Variants in MYO18B observed in about 807,000 individuals in gnomAD.
MYO18B encodes the protein myosin XVIIIB, also known as unconventional myosin-XVIIIb.
In MYO18B, 204 loss-of-function variants were observed where a neutral mutation model predicts 273.0. The observed-to-expected ratio is 0.75, with a 90% CI of 0.67 to 0.84. MYO18B has a LOEUF of 0.84. Ranked by LOEUF, MYO18B falls within the 40% of genes least tolerant of loss-of-function variation. The pLI is 0.00. For synonymous variants in MYO18B, 1,330 were observed against 1,305.7 expected (o/e 1.02, Z -0.40); for missense variants, 3,212 against 3,287.6 (o/e 0.98, Z 0.56).
rs372530858 is a variant in MYO18B at position 25,777,830 on chromosome 22, A to T, written c.2068+49A>T. On this transcript the variant is annotated intron_variant, in intron 8 of 43. Transcript: ENST00000335473. ...GGAGAGTTGGGGTCAGCACGGGGAGAGTTGGAAGGGGATGCTGAGCTGCTT... is the reference window on the plus strand; with the variant it reads ...GGAGAGTTGGGGTCAGCACGGGGAGTGTTGGAAGGGGATGCTGAGCTGCTT... The T allele has an allele frequency of 2.2e-5, 33 of 1,497,340 alleles. No individual in the cohort carries two copies. The East Asian group carries it at 6.8e-4, about 31-fold the overall frequency. The allele number at this position is 1,497,340 out of a possible 1,614,324, so 92.8% of individuals were successfully genotyped here.
chr22:25,790,316 C>T (rs3931452), intron 11 of MYO18B, among the ~76,000 whole-genome samples: 148,033 of 152,360 alleles, frequency 0.97, 71,998 homozygotes, highest in Non-Finnish European at 0.99. Context: ...GTGCACAACG[C>T]GCAGGTTAGT....
At chr22:25,870,921 T>G (rs1293222662) in intron 22 of MYO18B, among the ~76,000 whole-genome samples, 4 of 152,208 alleles carry the variant, frequency 2.6e-5, no homozygotes, top group Admixed American at 6.5e-5. Flanking sequence ...AAGAAAACAG[T>G]CATTACATGC....
intron 39 of MYO18B, among the ~76,000 whole-genome samples, chr22:25,990,423 C>T (rs549419108): frequency 8.6e-4 from 131 of 152,158 alleles, no homozygotes; most frequent in African/African-American, 1.4e-3. Context: ...CAGTGGCTCA[C>T]GCCTGTAATT....
At chr22:25,832,846 C>A in intron 15 of MYO18B, 71 bp from the exon 16 acceptor site, 1 of 1,387,740 alleles carries the variant, frequency 7.2e-7, no homozygotes, top group South Asian at 1.2e-5. Context: ...TCCGCTTTTT[C>A]CTTCTTCAGA....
intron 1 of MYO18B, among the ~76,000 whole-genome samples, chr22:25,759,327 G>T (rs564302030): frequency 6.6e-6 from 1 of 150,878 alleles, no homozygotes; most frequent in East Asian, 1.9e-4. Flanking sequence ...TGTGGCACAT[G>T]TAATACTATG....
At chr22:25,830,634 G>A (rs2089672173) in intron 15 of MYO18B, among the ~76,000 whole-genome samples, 1 of 152,178 alleles carries the variant, frequency 6.6e-6, no homozygotes, top group Non-Finnish European at 1.5e-5. Flanking sequence ...TGTAGTGCTG[G>A]GCAGGGTTCC....
At chr22:26,059,669 A>G in the MYO18B span, among the ~76,000 whole-genome samples, 1 of 152,198 alleles carries the variant, frequency 6.6e-6, no homozygotes, top group Non-Finnish European at 1.5e-5. Context: ...ACTGCCTCCC[A>G]AACTCCATCT....
At chr22:25,968,472 G>A (rs1165870061) in intron 39 of MYO18B, among the ~76,000 whole-genome samples, 1 of 152,124 alleles carries the variant, frequency 6.6e-6, no homozygotes, top group Non-Finnish European at 1.5e-5. Context: ...AGATCTCTCT[G>A]CCTTGCCACA....
At chr22:26,008,316 C>T (rs898467892) in intron 42 of MYO18B, among the ~76,000 whole-genome samples, 1 of 152,180 alleles carries the variant, frequency 6.6e-6, no homozygotes, top group Non-Finnish European at 1.5e-5. Flanking sequence ...GCATTTTAAA[C>T]TCTAATAGAT....
intron 39 of MYO18B, among the ~76,000 whole-genome samples, chr22:25,979,874 G>A (rs1421115912): frequency 6.6e-6 from 1 of 151,970 alleles, no homozygotes; most frequent in Non-Finnish European, 1.5e-5. Context: ...AGGTCTTGAG[G>A]AGTCTGTGCC....
intron 39 of MYO18B, among the ~76,000 whole-genome samples, chr22:25,969,193 G>A (rs912532875): frequency 6.6e-6 from 1 of 152,204 alleles, no homozygotes; most frequent in African/African-American, 2.4e-5. Flanking sequence ...CACCTTATCT[G>A]TTGGAGAGAG....
chr22:25,800,983 C>G (rs192630086), intron 12 of MYO18B, among the ~76,000 whole-genome samples: 3 of 152,108 alleles, frequency 2.0e-5, no homozygotes, highest in Non-Finnish European at 4.4e-5. Flanking sequence ...GAGGCCTGCC[C>G]GATGATTTAC....
intron 43 of MYO18B, chr22:26,028,294 C>G (rs1569312377): frequency 1.3e-5 from 2 of 150,822 alleles, no homozygotes; most frequent in Non-Finnish European, 2.9e-5. Context: ...GTTACCTCAC[C>G]CTACTGTCAT....
At chr22:25,833,088 C>A in intron 16 of MYO18B, 91 bp downstream of exon 16, 2 of 1,236,906 alleles carry the variant, frequency 1.6e-6, no homozygotes, top group Non-Finnish European at 1.2e-6. Context: ...TACTAGTTGT[C>A]AATGCCGTGT....
At position 25,823,556 on chromosome 22, in the gene MYO18B, C is replaced by A; in HGVS notation, c.2573C>A (p.Ala858Asp). ...GAGTGGGCAAACTACGCAGCTGAGG[C>A]CCTGGGCTGCGAGTATGAGGAGCTG... ...RFEWANYAAE[A>D]LGCEYEELNT... Residue 858 changes from alanine to aspartate, a missense_variant, in exon 13 of 44, where the codon GCC (alanine) becomes GAC (aspartate). Ala to Asp is a moderately radical substitution (Grantham distance 126). Transcript: ENST00000335473. 1.2e-6 allele frequency: 2 copies of A among 1,613,970 alleles called. No homozygotes were observed. Among genetic ancestry groups the A allele is most frequent in the South Asian group, 1.1e-5 (1 of 91,084 alleles).
intron 2 of MYO18B, among the ~76,000 whole-genome samples, chr22:25,762,596 C>T (rs1238156649): frequency 6.6e-6 from 1 of 152,254 alleles, no homozygotes; most frequent in Non-Finnish European, 1.5e-5. Flanking sequence ...TATCAGGGTC[C>T]AACCTGCCTG....
intron 32 of MYO18B, 127 bp from the exon 33 acceptor site, chr22:25,910,819 T>G: frequency 1.4e-6 from 1 of 713,456 alleles, no homozygotes; most frequent in Non-Finnish European, 2.4e-6. Context: ...ACCCAATCAC[T>G]AGGGCAGCCT....
At chr22:26,034,615 A>G (rs1936743652), downstream of MYO18B, among the ~76,000 whole-genome samples, 1 of 152,156 alleles carries the variant, frequency 6.6e-6, no homozygotes, top group Non-Finnish European at 1.5e-5. Context: ...CTGCTGATGT[A>G]ACCAAAATTA....
In MYO18B at chr22:25,798,734, T is replaced by A. The variant is rs58169763; in HGVS notation, c.2521+637T>A. 7.3e-3 allele frequency among the ~76,000 whole-genome samples: 1,113 copies of A among 151,476 alleles called. 45 individuals are homozygous for A. The East Asian group carries it at 0.11, about 14-fold the overall frequency. On this transcript the variant is annotated intron_variant, in intron 12 of 43. Transcript: ENST00000335473. ...ACCCCCATGCCTGGTTAATATATAT[T>A]TTTTTATTTTTTTGTAGATAGGGGT...
Sources: allele counts gnomAD v4.1 joint callset (sites outside exome capture counted in the v4.1 genomes callset), GRCh38; gene constraint gnomAD v4.1.1; transcripts MANE v1.5; gene names NCBI Gene and HGNC (gene_info 2026-07-23, HGNC 2026-07-21).